Variants in LRRC4C observed in about 807,000 individuals in gnomAD.
LRRC4C encodes the protein leucine rich repeat containing 4C, also known as leucine-rich repeat-containing protein 4C.
Under a neutral mutation model 33.6 loss-of-function variants are expected in LRRC4C, and 5 were observed. The observed-to-expected ratio is 0.15, with a 90% confidence interval of 0.08 to 0.31. The LOEUF (loss-of-function observed/expected upper bound fraction) is 0.31, where lower values mean the gene tolerates loss of function less well. Ranked by LOEUF, LRRC4C falls within the 10% of genes least tolerant of loss-of-function variation. The pLI, the probability that LRRC4C is intolerant of heterozygous loss-of-function variation, is 1.00. For missense variants in LRRC4C, 560 were observed against 796.7 expected (o/e 0.70, Z 3.58); for synonymous variants, 329 against 302.0 (o/e 1.09, Z -0.93).
intron 1 of LRRC4C, among the ~76,000 whole-genome samples, chr11:40,987,418 G>A (rs868161572): frequency 3.3e-5 from 5 of 151,838 alleles, no homozygotes; most frequent in African/African-American, 7.3e-5. Flanking sequence ...TCTCTTAACC[G>A]TCTGGTTCAA....
intron 2 of LRRC4C, among the ~76,000 whole-genome samples, chr11:40,745,711 T>A (rs2136941398): frequency 6.6e-6 from 1 of 152,286 alleles, no homozygotes; most frequent in African/African-American, 2.4e-5. Flanking sequence ...TTACTGTTTA[T>A]TATATATAAT....
chr11:40,440,662 T>C (rs1397214361), intron 3 of LRRC4C, among the ~76,000 whole-genome samples: 2 of 152,194 alleles, frequency 1.3e-5, no homozygotes, highest in African/African-American at 4.8e-5. Context: ...TATTTATTCA[T>C]ACAAGGTAAT....
chr11:41,264,405 A>T (rs970695878), intron 1 of LRRC4C, among the ~76,000 whole-genome samples: 8 of 152,118 alleles, frequency 5.3e-5, no homozygotes, highest in African/African-American at 1.9e-4. Flanking sequence ...TTTCCTTTTA[A>T]AGACAATTTG....
intron 3 of LRRC4C, among the ~76,000 whole-genome samples, chr11:40,510,536 C>CA (rs1444845859): frequency 6.6e-6 from 1 of 152,056 alleles, no homozygotes; most frequent in East Asian, 1.9e-4. Context: ...TAAATGAAGT[C>CA]AGTGAGGATA....
At chr11:41,053,063 C>T (rs1237120552) in intron 1 of LRRC4C, among the ~76,000 whole-genome samples, 1 of 152,152 alleles carries the variant, frequency 6.6e-6, no homozygotes, top group African/African-American at 2.4e-5. Flanking sequence ...AGGCAAGAGC[C>T]ATTGATTCCC....
chr11:41,398,914 A>G (rs1373771166), intron 1 of LRRC4C, among the ~76,000 whole-genome samples: 1 of 151,908 alleles, frequency 6.6e-6, no homozygotes, highest in Non-Finnish European at 1.5e-5. Flanking sequence ...ATCCACTGCC[A>G]CTTTGTCTAT....
chr11:41,312,322 T>G (rs186245201), intron 1 of LRRC4C, among the ~76,000 whole-genome samples: 17 of 152,336 alleles, frequency 1.1e-4, no homozygotes, highest in African/African-American at 4.1e-4. Context: ...CCTGAGACTT[T>G]CAAAAATATA....
chr11:41,293,330 G>A (rs767636316), intron 1 of LRRC4C, among the ~76,000 whole-genome samples: 5 of 151,722 alleles, frequency 3.3e-5, no homozygotes, highest in Non-Finnish European at 4.4e-5. Context: ...ATTACTGAAT[G>A]AAAAAAGGAT....
At chr11:40,941,310 A>G (rs758816256) in intron 1 of LRRC4C, among the ~76,000 whole-genome samples, 6 of 152,168 alleles carry the variant, frequency 3.9e-5, no homozygotes, top group Non-Finnish European at 5.9e-5. Flanking sequence ...TGAAATATTA[A>G]GAACTGATAT....
intron 3 of LRRC4C, among the ~76,000 whole-genome samples, chr11:40,537,434 C>A (rs1956521622): frequency 6.6e-6 from 1 of 152,154 alleles, no homozygotes; most frequent in Non-Finnish European, 1.5e-5. Flanking sequence ...CCCAAGGCCA[C>A]AATTGTCACT....
At chr11:41,380,078 T>C in intron 1 of LRRC4C, among the ~76,000 whole-genome samples, 1 of 152,070 alleles carries the variant, frequency 6.6e-6, no homozygotes, top group Non-Finnish European at 1.5e-5. Context: ...GGAGGTAAAC[T>C]GAAGGGTAAG....
intron 2 of LRRC4C, among the ~76,000 whole-genome samples, chr11:40,738,248 G>A (rs767571100): frequency 2.6e-5 from 4 of 152,114 alleles, no homozygotes; most frequent in Non-Finnish European, 5.9e-5. Flanking sequence ...TTAAAAGTAA[G>A]ACCTAGCTCC....
intron 5 of LRRC4C, among the ~76,000 whole-genome samples, chr11:40,143,644 A>G (rs1054964360): frequency 5.3e-5 from 8 of 152,228 alleles, no homozygotes; most frequent in African/African-American, 1.9e-4. Context: ...TACTTCCTTC[A>G]GGGCTCTGCT....
intron 2 of LRRC4C, among the ~76,000 whole-genome samples, chr11:40,733,571 C>T (rs925248928): frequency 2.0e-5 from 3 of 152,152 alleles, no homozygotes; most frequent in African/African-American, 4.8e-5. Context: ...TTTCCTGAAT[C>T]ATATACTATC....
At chr11:40,909,319 C>T (rs1425399300) in intron 2 of LRRC4C, among the ~76,000 whole-genome samples, 2 of 151,782 alleles carry the variant, frequency 1.3e-5, no homozygotes, top group Admixed American at 1.3e-4. Flanking sequence ...CTAAATTTGC[C>T]CTAGTATAGA....
intron 3 of LRRC4C, among the ~76,000 whole-genome samples, chr11:40,326,798 T>C (rs1294775514): frequency 1.3e-5 from 2 of 152,166 alleles, no homozygotes; most frequent in Non-Finnish European, 2.9e-5. Context: ...TTCTAAGATA[T>C]AAGTGGAGAG....
At chr11:41,206,376 C>T (rs140857710) in intron 1 of LRRC4C, among the ~76,000 whole-genome samples, 6 of 152,144 alleles carry the variant, frequency 3.9e-5, no homozygotes, top group East Asian at 3.9e-4. Context: ...TGTTGGGTTG[C>T]GGAGTTCTAA....
At chr11:40,268,718 A>G (rs1158508096) in intron 4 of LRRC4C, among the ~76,000 whole-genome samples, 4 of 152,174 alleles carry the variant, frequency 2.6e-5, no homozygotes, top group Non-Finnish European at 5.9e-5. Context: ...CATTTTGGGA[A>G]CCATCTGGAG....
chr11:40,636,310 C>G (rs1941746197), intron 3 of LRRC4C, among the ~76,000 whole-genome samples: 1 of 152,148 alleles, frequency 6.6e-6, no homozygotes, highest in Non-Finnish European at 1.5e-5. Context: ...AAGTCTAAGT[C>G]ACTCAGCCTA....
Sources: allele counts gnomAD v4.1 joint callset (sites outside exome capture counted in the v4.1 genomes callset), GRCh38; gene constraint gnomAD v4.1.1; transcripts MANE v1.5; gene names NCBI Gene and HGNC (gene_info 2026-07-23, HGNC 2026-07-21).